The following NUCB1 variants were observed in gnomAD, a reference collection of about 807,000 sequenced individuals.
The protein encoded by NUCB1 is nucleobindin 1.
A neutral mutation model predicts 61.2 loss-of-function variants in NUCB1; 47 were observed. That is an observed-to-expected ratio of 0.77 (90% confidence interval 0.61 to 0.98). NUCB1 has a LOEUF of 0.98. Ranked by LOEUF, NUCB1 falls within the 50% of genes least tolerant of loss-of-function variation. The pLI, the probability that NUCB1 is intolerant of heterozygous loss-of-function variation, is 0.00. For synonymous variants in NUCB1, 234 were observed against 243.1 expected, an observed-to-expected ratio of 0.96 and a Z score of 0.35; for missense variants, 583 against 605.3, an observed-to-expected ratio of 0.96 and a Z score of 0.39.
chr19:48,908,612 T>C (rs2037436194), intron 4 of NUCB1, among the ~76,000 whole-genome samples: 1 of 150,588 alleles, frequency 6.6e-6, no homozygotes, highest in South Asian at 2.1e-4. Flanking sequence ...CGGAGCTGCC[T>C]CCACTGCAGC....
intron 7 of NUCB1, among the ~76,000 whole-genome samples, chr19:48,915,721 A>T (rs1176218783): frequency 1.3e-5 from 2 of 151,968 alleles, no homozygotes; most frequent in Non-Finnish European, 2.9e-5. Context: ...GGCTGGTCTC[A>T]AACTCCTTTG....
intron 7 of NUCB1, among the ~76,000 whole-genome samples, chr19:48,915,161 A>G (rs1031410764): frequency 3.3e-5 from 5 of 151,856 alleles, no homozygotes; most frequent in Non-Finnish European, 7.4e-5. Flanking sequence ...AAATAGAAGA[A>G]CACAAAAGTG....
Position 48,921,221 on chromosome 19 carries a change from G to C in NUCB1, c.1070G>C (p.Arg357Pro), listed in dbSNP as rs770919085. The change falls in exon 11 of 13, where the codon CGG (arginine) becomes CCG (proline). Residue 357 changes from arginine to proline, a missense_variant. Transcript: ENST00000405315. ...LRRFEEELAA[R>P]EAELNAKAQR... ...CGCTTTGAAGAGGAGCTGGCTGCCC[G>C]GGAGGCAGAGCTGAATGCCAAGGCC... 6.2e-6 allele frequency: 10 copies of C among 1,613,190 alleles called. No individual in the cohort carries two copies. Among genetic ancestry groups the C allele is most frequent in the African/African-American group, 1.3e-5 (1 of 75,068 alleles).
intron 7 of NUCB1, among the ~76,000 whole-genome samples, chr19:48,916,713 C>T (rs746131032): frequency 2.6e-5 from 4 of 152,034 alleles, no homozygotes; most frequent in East Asian, 1.9e-4. Flanking sequence ...CTCAAGAGAT[C>T]GAGACCATCC....
chr19:48,901,022 T>A (rs754165009), intron 2 of NUCB1, 91 bp downstream of exon 2: 2 of 1,462,254 alleles, frequency 1.4e-6, no homozygotes, highest in East Asian at 2.3e-5. Flanking sequence ...GATGCTCCAG[T>A]GACTTCCTGG....
At chr19:48,904,528 T>C (rs1216580165) in intron 3 of NUCB1, 74 bp downstream of exon 3, 3 of 185,830 alleles carry the variant, frequency 1.6e-5, no homozygotes, top group African/African-American at 7.9e-5. Flanking sequence ...GACTGGTTTC[T>C]TTTTTTTTTT....
intron 2 of NUCB1, chr19:48,901,271 TG>T (rs2037351082): frequency 2.1e-6 from 1 of 472,924 alleles, no homozygotes. Flanking sequence ...GTTGGCTAGC[TG>T]GGGTATTCTG....
intron 4 of NUCB1, among the ~76,000 whole-genome samples, chr19:48,909,906 T>G (rs766166094): frequency 1.3e-4 from 19 of 151,994 alleles, no homozygotes; most frequent in Non-Finnish European, 2.6e-4. Flanking sequence ...AATGACCTCA[T>G]CTTAACCTGA....
At chr19:48,920,041 T>A (rs1275704555) in intron 10 of NUCB1, among the ~76,000 whole-genome samples, 2 of 151,980 alleles carry the variant, frequency 1.3e-5, no homozygotes, top group African/African-American at 4.8e-5. Context: ...AGTGGTGGGA[T>A]TACAGGCATG....
chr19:48,912,812 C>T (rs1376905317), intron 5 of NUCB1, among the ~76,000 whole-genome samples, 199 bp from the exon 6 acceptor site: 2 of 147,060 alleles, frequency 1.4e-5, no homozygotes, highest in African/African-American at 5.2e-5. Flanking sequence ...CCACCGCACT[C>T]CAGCCTGGGC....
chr19:48,912,843 C>CAA (rs5828367), intron 5 of NUCB1, among the ~76,000 whole-genome samples, 168 bp from the exon 6 acceptor site: 2,843 of 95,244 alleles, frequency 0.03, 175 homozygotes, highest in African/African-American at 0.1. Flanking sequence ...GACTCCCTCT[C>CAA]AAAAAAAAAA....
At position 48,913,198 on chromosome 19, in the gene NUCB1, T is replaced by G; in HGVS notation, c.666+2T>G. Reference sequence around the variant, plus strand: ...GAGCACCCTAAAGTCAACGTGCCTGTGAGGACCCCATTTGTGCCCATCCAC... The same window carrying G: ...GAGCACCCTAAAGTCAACGTGCCTGGGAGGACCCCATTTGTGCCCATCCAC... On this transcript the variant is annotated splice_donor_variant, in intron 6 of 12. Coordinates refer to ENST00000405315, the MANE Select transcript of NUCB1 (RefSeq NM_006184.6). LOFTEE classifies it high-confidence loss of function. The G allele has an allele frequency of 6.2e-7, 1 of 1,609,850 alleles. No individual in the cohort carries two copies. Among genetic ancestry groups the G allele is most frequent in the Non-Finnish European group, 8.5e-7 (1 of 1,178,268 alleles).
intron 11 of NUCB1, 149 bp downstream of exon 11, chr19:48,921,473 C>A: frequency 2.2e-6 from 2 of 911,588 alleles, no homozygotes; most frequent in Non-Finnish European, 3.5e-6. Context: ...TGAGTAAGGG[C>A]AGACGTTTTC....
chr19:48,918,726 A>G lies in NUCB1; in HGVS notation c.758A>G (p.Asp253Gly), dbSNP rs2037569249. 1.2e-6 allele frequency: 2 copies of G among 1,613,196 alleles called. No homozygotes were observed. Among genetic ancestry groups the G allele is most frequent in the African/African-American group, 1.3e-5 (1 of 74,918 alleles). ...FNPKTFFILH[D>G]INSDGVLDEQ... ...TACCTTGCTATCCTCTTCCCTTCAG[A>G]TATCAACAGTGATGGTGTCCTGGAT... The change falls in exon 8 of 13, where the codon GAT becomes GGT. Residue 253 changes from aspartate to glycine, a missense_variant and splice_region_variant. By Grantham distance (94) the Asp-to-Gly change is moderately conservative. Coordinates refer to ENST00000405315, the MANE Select transcript of NUCB1 (RefSeq NM_006184.6).
At position 48,919,075 on chromosome 19, in the gene NUCB1, G is replaced by C. The variant is rs367552775; in HGVS notation, c.862G>C (p.Glu288Gln). 4.3e-6 allele frequency: 7 copies of C among 1,614,192 alleles called. 1 individual carries two copies. Among genetic ancestry groups the C allele is most frequent in the Admixed American group, 1.7e-5 (1 of 60,014 alleles). ...AAAGAATGAGGAGGACGACATGCGG[G>C]AGATGGAGGAGGAGCGACTGCGCAT... ...DPKNEEDDMR[E>Q]MEEERLRMRE... Residue 288 changes from glutamate to glutamine, a missense_variant, in exon 9 of 13, where the codon GAG becomes CAG. Transcript: ENST00000405315.
chr19:48,918,954 G>A, intron 8 of NUCB1, 76 bp from the exon 9 acceptor site: 1 of 1,462,068 alleles, frequency 6.8e-7, no homozygotes, highest in Non-Finnish European at 9.5e-7. Flanking sequence ...CCAAAGGACT[G>A]CTGGGAGTTG....
rs771211178 is a variant in NUCB1 at position 48,905,806 on chromosome 19, G to A, written c.297G>A (p.Lys99=). ...TTGTCAGCCACCACGTCCGCACCAAGCTGGATGAGCTCAAGCGACAGGAGG... is the reference window on the plus strand; with the variant it reads ...TTGTCAGCCACCACGTCCGCACCAAACTGGATGAGCTCAAGCGACAGGAGG... ...LDFVSHHVRT[K]LDELKRQEVS... is the part of the protein sequence containing the mutation. Residue 99 remains lysine (K), a synonymous_variant, in exon 4 of 13, where the codon AAG becomes AAA. Transcript: ENST00000405315. 1 of 1,613,908 alleles carries A rather than the reference G, an allele frequency of 6.2e-7. No homozygotes were observed. The highest frequency in any genetic ancestry group is 8.5e-7 in the Non-Finnish European group (1 of 1,180,014).
At chr19:48,905,512 G>C (rs1312084080) in intron 3 of NUCB1, among the ~76,000 whole-genome samples, 1 of 152,064 alleles carries the variant, frequency 6.6e-6, no homozygotes. Context: ...GTGACCCACC[G>C]CACCTGGCCC....
intron 2 of NUCB1, among the ~76,000 whole-genome samples, chr19:48,904,013 T>G (rs1264518212): frequency 6.6e-5 from 7 of 106,654 alleles, no homozygotes; most frequent in East Asian, 3.0e-4. Context: ...AGGATGTATG[T>G]ATGGATGGGT....
Sources: allele counts gnomAD v4.1 joint callset (sites outside exome capture counted in the v4.1 genomes callset), GRCh38; gene constraint gnomAD v4.1.1; transcripts MANE v1.5; gene names NCBI Gene and HGNC (gene_info 2026-07-23, HGNC 2026-07-21).